The following KLC1 variants were observed in gnomAD, a reference collection of about 807,000 sequenced individuals.
The protein encoded by KLC1 is kinesin 2 60/70kDa.
A neutral mutation model predicts 84.2 loss-of-function variants in KLC1; 30 were observed. The observed-to-expected ratio is 0.36, with a 90% CI of 0.27 to 0.48. The LOEUF is 0.48. Ranked by LOEUF, KLC1 falls within the 20% of genes least tolerant of loss-of-function variation. The pLI is 0.99. For missense variants in KLC1, 499 were observed against 805.4 expected (o/e 0.62, Z 4.60); for synonymous variants, 289 against 293.3 (o/e 0.99, Z 0.15).
intron 12 of KLC1, among the ~76,000 whole-genome samples, chr14:103,678,876 A>G (rs564052674): frequency 6.6e-6 from 1 of 152,318 alleles, no homozygotes; most frequent in African/African-American, 2.4e-5. Context: ...TCACATGAAA[A>G]GATACTCAAC....
intron 1 of KLC1, among the ~76,000 whole-genome samples, chr14:103,631,787 C>T (rs796936925): frequency 3.3e-4 from 50 of 151,812 alleles, no homozygotes; most frequent in Non-Finnish European, 4.4e-4. Context: ...TTAGTAGAGA[C>T]GGGGCTTCAC....
intron 14 of KLC1, 61 bp downstream of exon 14, chr14:103,687,272 C>T: frequency 6.9e-7 from 1 of 1,448,086 alleles, no homozygotes; most frequent in Non-Finnish European, 9.3e-7. Context: ...CGCTTCTCTT[C>T]CTAGCGCAGC....
intron 1 of KLC1, among the ~76,000 whole-genome samples, chr14:103,635,854 A>G (rs1469226723): frequency 6.6e-6 from 1 of 152,186 alleles, no homozygotes; most frequent in Non-Finnish European, 1.5e-5. Flanking sequence ...AAAGTTACAC[A>G]GCTGTGAAGT....
chr14:103,699,577 C>G, intron 15 of KLC1: 1 of 1,613,404 alleles, frequency 6.2e-7, no homozygotes, highest in Non-Finnish European at 8.5e-7. Context: ...ACAAGGTGTC[C>G]TGTGGGGACA....
chr14:103,663,969 C>A (rs140853061), intron 5 of KLC1, among the ~76,000 whole-genome samples: 14 of 152,248 alleles, frequency 9.2e-5, no homozygotes, highest in African/African-American at 2.9e-4. Flanking sequence ...AAAATAAAAA[C>A]ACACAAATAA....
At chr14:103,629,541 C>G (rs1467759531) in intron 1 of KLC1, 47 bp downstream of exon 1, 1 of 152,638 alleles carries the variant, frequency 6.6e-6, no homozygotes, top group Non-Finnish European at 1.5e-5. Flanking sequence ...TCCTCATCCT[C>G]CGCCCCGTCC....
intron 1 of KLC1, among the ~76,000 whole-genome samples, chr14:103,647,300 T>A (rs576708553): frequency 1.3e-5 from 2 of 152,112 alleles, no homozygotes; most frequent in Non-Finnish European, 2.9e-5. Flanking sequence ...CTCGGCTTAC[T>A]GCAACCTCCA....
intron 5 of KLC1, among the ~76,000 whole-genome samples, chr14:103,668,616 A>G (rs930140419): frequency 5.5e-5 from 8 of 144,846 alleles, no homozygotes; most frequent in Admixed American, 3.4e-4. Context: ...CAGCTGGGAC[A>G]ACAGGCGCAT....
chr14:103,668,017 G>A (rs1322280020), intron 5 of KLC1, among the ~76,000 whole-genome samples: 2 of 152,228 alleles, frequency 1.3e-5, no homozygotes, highest in Non-Finnish European at 2.9e-5. Flanking sequence ...TGGGTACCAA[G>A]TTCAGACACA....
intron 13 of KLC1, chr14:103,685,775 G>A: frequency 8.0e-7 from 1 of 1,255,058 alleles, no homozygotes; most frequent in Non-Finnish European, 1.0e-6. Context: ...TCTGTGAACT[G>A]GCCATTCCTT....
intron 14 of KLC1, 102 bp downstream of exon 14, chr14:103,687,313 C>A (rs2081840892): frequency 8.3e-7 from 1 of 1,203,978 alleles, no homozygotes; most frequent in African/African-American, 1.5e-5. Context: ...AGGAAAGACA[C>A]TCCAGTTGGT....
At chr14:103,676,526 A>G (rs1238502028) in intron 11 of KLC1, among the ~76,000 whole-genome samples, 1 of 152,104 alleles carries the variant, frequency 6.6e-6, no homozygotes, top group African/African-American at 2.4e-5. Context: ...TCGGCCTCCC[A>G]AAGTGCTGGG....
intron 1 of KLC1, among the ~76,000 whole-genome samples, chr14:103,653,893 G>T (rs2078652197): frequency 6.6e-6 from 1 of 152,212 alleles, no homozygotes; most frequent in South Asian, 2.1e-4. Flanking sequence ...CAGCACAAAT[G>T]ATGCTGTTTT....
intron 1 of KLC1, among the ~76,000 whole-genome samples, chr14:103,635,307 A>G (rs1401379891): frequency 6.6e-6 from 1 of 152,170 alleles, no homozygotes; most frequent in African/African-American, 2.4e-5. Context: ...GATCAGAGTG[A>G]TGTTTGCACT....
chr14:103,631,108 T>A (rs1245128113), intron 1 of KLC1, among the ~76,000 whole-genome samples: 9 of 150,276 alleles, frequency 6.0e-5, no homozygotes, highest in African/African-American at 2.0e-4. Flanking sequence ...TGAGATGGAG[T>A]CTCGCTCTGT....
intron 1 of KLC1, among the ~76,000 whole-genome samples, chr14:103,635,601 A>C (rs2076986403): frequency 1.3e-5 from 2 of 152,084 alleles, no homozygotes; most frequent in Non-Finnish European, 2.9e-5. Context: ...CTAAAAATAT[A>C]AAATTAGCCG....
chr14:103,678,326 TA>T (rs1329745557), intron 12 of KLC1, among the ~76,000 whole-genome samples: 2 of 151,690 alleles, frequency 1.3e-5, no homozygotes, highest in African/African-American at 4.8e-5. Context: ...AACAGCAAAA[TA>T]AAAACTAGAT....
chr14:103,638,308 C>T lies in KLC1; in HGVS notation c.-2+8814C>T, dbSNP rs114813117. Among the ~76,000 whole-genome samples, 721 of 152,268 alleles carry T rather than the reference C, an allele frequency of 4.7e-3. 1 individual carries two copies. Among genetic ancestry groups the T allele is most frequent in the African/African-American group, 0.016 (684 of 41,556 alleles). On this transcript the variant is annotated intron_variant, in intron 1 of 16. Coordinates refer to ENST00000334553, the MANE Select transcript of KLC1 (RefSeq NM_001394837.1). ...TGAGAACTGAGAGTAATTGACATTT[C>T]TTTCTTGGCTGTCCTTCATTCTGTG...
Position 103,657,927 on chromosome 14 carries a change from C to T in KLC1, c.492+151C>T, listed in dbSNP as rs562481399. ...TGTTTTGTAAATATAAGCCACAATC[C>T]AGAGAGACACCATTACCTTCAACAA... is the stretch of plus-strand genomic sequence containing the variant. On this transcript the variant is annotated intron_variant, in intron 3 of 16. Transcript: ENST00000334553. The T allele has an allele frequency of 2.6e-4, 176 of 672,920 alleles. 1 individual carries two copies. Among genetic ancestry groups the T allele is most frequent in the Non-Finnish European group, 7.4e-5 (29 of 393,486 alleles). 41.7% of individuals were successfully genotyped at this position (672,920 alleles called of 1,614,324 possible). A position where few individuals can be genotyped will look rare whatever the true frequency, so the allele number is the denominator to read the frequency against.
Sources: gnomAD v4.1 joint callset for allele counts (sites outside exome capture counted in the v4.1 genomes callset) on GRCh38, gnomAD v4.1.1 for gene constraint, MANE v1.5 for transcripts, NCBI Gene and HGNC (gene_info 2026-07-23, HGNC 2026-07-21) for gene names.